INPP4B: variants seen among roughly 807,000 people sequenced by gnomAD.
The protein encoded by INPP4B is inositol polyphosphate-4-phosphatase type II B.
A neutral mutation model predicts 122.5 loss-of-function variants in INPP4B; 55 were observed. The ratio of observed to expected loss-of-function variants is 0.45; its 90% CI spans 0.36 to 0.56. INPP4B has a LOEUF of 0.56. Among genes scored for constraint, INPP4B ranks in the 20% least tolerant of loss-of-function variants. The pLI, the probability that INPP4B is intolerant of heterozygous loss-of-function variation, is 0.00. For synonymous variants in INPP4B, 403 were observed against 388.7 expected (o/e 1.04, Z -0.43); for missense variants, 1,000 against 1,097.7 (o/e 0.91, Z 1.26).
intron 2 of INPP4B, among the ~76,000 whole-genome samples, chr4:142,568,186 T>C (rs1245573843): frequency 6.6e-6 from 1 of 151,968 alleles, no homozygotes; most frequent in Non-Finnish European, 1.5e-5. Context: ...CTGGACAGAA[T>C]TATAAATTAC....
At chr4:142,148,355 C>T (rs966698870) in intron 17 of INPP4B, among the ~76,000 whole-genome samples, 1 of 152,146 alleles carries the variant, frequency 6.6e-6, no homozygotes, top group Non-Finnish European at 1.5e-5. Flanking sequence ...GCTGGGACCA[C>T]AGGCATGCCC....
intron 12 of INPP4B, among the ~76,000 whole-genome samples, chr4:142,236,482 A>T (rs908620428): frequency 6.6e-6 from 1 of 152,118 alleles, no homozygotes; most frequent in Non-Finnish European, 1.5e-5. Context: ...ATGTGCTTAG[A>T]TTCCTGAACA....
At chr4:142,117,306 C>T (rs6828680) in intron 21 of INPP4B, among the ~76,000 whole-genome samples, 20,156 of 152,048 alleles carry the variant, frequency 0.13, 1,505 homozygotes, top group East Asian at 0.24. Context: ...CCCTAACTCA[C>T]TTTATGAGGC....
chr4:142,077,852 G>A (rs917451019), intron 25 of INPP4B, among the ~76,000 whole-genome samples: 41 of 151,688 alleles, frequency 2.7e-4, no homozygotes, highest in Non-Finnish European at 5.2e-4. Flanking sequence ...AATCAATTAC[G>A]GATTTAAATT....
chr4:142,134,793 G>A (rs1874574), intron 18 of INPP4B, among the ~76,000 whole-genome samples: 14,516 of 97,268 alleles, frequency 0.15, 1,304 homozygotes, highest in Middle Eastern at 0.36. Context: ...GCGAAACTCT[G>A]TCTCAAAAAA....
At chr4:142,317,355 C>A (rs1236876790) in intron 7 of INPP4B, 2 of 346,038 alleles carry the variant, frequency 5.8e-6, no homozygotes, top group South Asian at 2.8e-5. Context: ...CTGATGGCTT[C>A]AAGGCAGATT....
At chr4:142,097,414 C>T (rs1019705908) in intron 23 of INPP4B, among the ~76,000 whole-genome samples, 3 of 150,752 alleles carry the variant, frequency 2.0e-5, no homozygotes, top group Admixed American at 2.0e-4. Flanking sequence ...GCAACCATGC[C>T]TGGCTAATTT....
chr4:142,583,245 CCTG>C (rs1735478539), intron 2 of INPP4B, among the ~76,000 whole-genome samples: 1 of 152,180 alleles, frequency 6.6e-6, no homozygotes, highest in Non-Finnish European at 1.5e-5. Context: ...TGAGACCTTA[CCTG>C]CCTACCCAAG....
At chr4:142,557,285 G>C (rs940471572) in intron 2 of INPP4B, among the ~76,000 whole-genome samples, 1 of 152,116 alleles carries the variant, frequency 6.6e-6, no homozygotes, top group African/African-American at 2.4e-5. Flanking sequence ...GATGTTAAGA[G>C]CAACATGAAT....
At chr4:142,127,664 C>A (rs981908386) in intron 18 of INPP4B, among the ~76,000 whole-genome samples, 2 of 152,054 alleles carry the variant, frequency 1.3e-5, no homozygotes, top group Non-Finnish European at 2.9e-5. Context: ...ATGACAATAT[C>A]GGAAAGCATT....
rs891872452 is a variant in INPP4B, at chr4:142,023,331, C to T, written c.*5451G>A. On this transcript the variant is annotated 3_prime_UTR_variant, in exon 26 of 26. Coordinates refer to ENST00000262992, the MANE Select transcript of INPP4B (RefSeq NM_001101669.3). ...ACACATTATTGATTCATCTAAAATA[C>T]ATATATAACATAAAAAGAAAACAAA... is the stretch of plus-strand genomic sequence containing the variant. 1 of 151,906 alleles carries T rather than the reference C, an allele frequency of 6.6e-6. No individual in the cohort carries two copies. Among genetic ancestry groups the T allele is most frequent in the Non-Finnish European group, 1.5e-5 (1 of 67,964 alleles). 9.4% of individuals were successfully genotyped at this position (151,906 alleles called of 1,614,324 possible). A position where few individuals can be genotyped will look rare whatever the true frequency, so the allele number is the denominator to read the frequency against.
chr4:142,651,741 C>G (rs1753002515), intron 2 of INPP4B, among the ~76,000 whole-genome samples: 1 of 152,106 alleles, frequency 6.6e-6, no homozygotes, highest in Admixed American at 6.5e-5. Context: ...AGCCTACCAA[C>G]CAAAAAAAAG....
intron 14 of INPP4B, among the ~76,000 whole-genome samples, chr4:142,197,792 A>C (rs1838967112): frequency 2.0e-5 from 3 of 152,134 alleles, no homozygotes; most frequent in Admixed American, 2.0e-4. Flanking sequence ...CTATAAGATA[A>C]ATGTTATTTC....
chr4:142,840,693 C>T (rs1045579123), intron 1 of INPP4B, among the ~76,000 whole-genome samples: 6 of 152,018 alleles, frequency 3.9e-5, no homozygotes, highest in Non-Finnish European at 8.8e-5. Flanking sequence ...CTTAAAATGA[C>T]TCAAGGTTTC....
intron 24 of INPP4B, among the ~76,000 whole-genome samples, chr4:142,084,361 C>T (rs944780444): frequency 6.6e-6 from 1 of 152,058 alleles, no homozygotes; most frequent in East Asian, 1.9e-4. Flanking sequence ...CCTCGTGATC[C>T]GCCCGCCTCG....
rs540770326 is a variant in INPP4B, at chr4:142,396,573, C to T, written c.372+6365G>A. Reference sequence around the variant, plus strand: ...GTTTCTAGGAAACTTAAACATGAATCTGTCCTATACTCTAGAAATTATACT... The same window carrying T: ...GTTTCTAGGAAACTTAAACATGAATTTGTCCTATACTCTAGAAATTATACT... On this transcript the variant is annotated intron_variant, in intron 7 of 25. Transcript: ENST00000262992. 8.2e-4 allele frequency among the ~76,000 whole-genome samples: 125 copies of T among 152,218 alleles called. 1 individual carries two copies. The highest frequency in any genetic ancestry group is 1.4e-3 in the Non-Finnish European group (96 of 67,996).
chr4:142,157,096 G>A (rs1817624968), intron 17 of INPP4B, among the ~76,000 whole-genome samples: 1 of 152,054 alleles, frequency 6.6e-6, no homozygotes, highest in African/African-American at 2.4e-5. Context: ...CTTGTAATCA[G>A]CACTGAAACT....
At chr4:142,724,460 C>G (rs1214781851) in intron 2 of INPP4B, among the ~76,000 whole-genome samples, 1 of 152,070 alleles carries the variant, frequency 6.6e-6, no homozygotes, top group Admixed American at 6.6e-5. Flanking sequence ...ACTTTTCTAG[C>G]ATTTATCTCC....
chr4:142,450,187 TC>T (rs1813832540), intron 3 of INPP4B, among the ~76,000 whole-genome samples: 1 of 152,144 alleles, frequency 6.6e-6, no homozygotes, highest in African/African-American at 2.4e-5. Flanking sequence ...GGCACCCCAC[TC>T]AGCCCCTGGC....
Sources: allele counts gnomAD v4.1 joint callset (sites outside exome capture counted in the v4.1 genomes callset), GRCh38; gene constraint gnomAD v4.1.1; transcripts MANE v1.5; gene names NCBI Gene and HGNC (gene_info 2026-07-23, HGNC 2026-07-21).